ZNF662: variants seen among roughly 807,000 people sequenced by gnomAD.
ZNF662 encodes zinc finger protein 662.
ZNF662 carries 14 observed loss-of-function variants against 12.4 expected under a neutral mutation model. That is an observed-to-expected ratio of 1.13 (90% CI 0.75 to 1.77). The LOEUF (loss-of-function observed/expected upper bound fraction) is 1.77, where lower values mean the gene tolerates loss of function less well. Ranked by LOEUF, ZNF662 falls within the 40% of genes most tolerant of loss-of-function variation. ZNF662 has a pLI of 0.00. For missense variants in ZNF662, 550 were observed against 515.6 expected, an observed-to-expected ratio of 1.07 and a Z score of -0.65; for synonymous variants, 184 against 176.4, an observed-to-expected ratio of 1.04 and a Z score of -0.34.
In ZNF662 at chr3:42,906,174, G is replaced by A; in HGVS notation, c.-94+6G>A. The A allele has an allele frequency of 1.7e-6, 1 of 577,218 alleles. No individual in the cohort carries two copies. The highest frequency in any genetic ancestry group is 2.3e-5 in the South Asian group (1 of 43,180). The allele number at this position is 577,218 out of a possible 1,614,324, so 35.8% of individuals were successfully genotyped here. On this transcript the variant is annotated splice_donor_region_variant and intron_variant, in intron 1 of 4. Coordinates refer to ENST00000440367, the MANE Select transcript of ZNF662 (RefSeq NM_207404.4). This position sits in a 1 kb window ranked among gnomAD's most constrained non-coding sequence, Gnocchi z 4.4. ...CGGATGCTGGGGCCTGGCGGGTGTG[G>A]AGCACGGGGAGTCGGGCGTGGGGCG...
intron 3 of ZNF662, among the ~76,000 whole-genome samples, chr3:42,912,303 TATG>T (rs2088806676): frequency 8.4e-6 from 1 of 118,712 alleles, no homozygotes; most frequent in Admixed American, 1.1e-4. Context: ...ATATAAAATA[TATG>T]ATATATATAG....
intron 3 of ZNF662, among the ~76,000 whole-genome samples, chr3:42,909,275 G>C (rs1181045940): frequency 1.3e-5 from 2 of 152,120 alleles, no homozygotes; most frequent in Non-Finnish European, 2.9e-5. Flanking sequence ...CTCTTAACGA[G>C]CATGCTTCCT....
At position 42,916,717 on chromosome 3, in the gene ZNF662, GA is replaced by G. The variant is rs1290537005; in HGVS notation, c.*1364del. ...TTTGTTTTATGAGATATCATTCTGG[GA>G]TTGGGAATATGTAAACTCAACTGGA... On this transcript the variant is annotated 3_prime_UTR_variant, in exon 5 of 5. Coordinates refer to ENST00000440367, the MANE Select transcript of ZNF662 (RefSeq NM_207404.4). 9 of 152,040 alleles carry G rather than the reference GA, an allele frequency of 5.9e-5. No homozygotes were observed. The highest frequency in any genetic ancestry group is 5.9e-4 in the Admixed American group (9 of 15,254). The allele number at this position is 152,040 out of a possible 1,614,324, so 9.4% of individuals were successfully genotyped here. A position where few individuals can be genotyped will look rare whatever the true frequency, so the allele number is the denominator to read the frequency against.
In ZNF662 at chr3:42,906,294, C is replaced by G; in HGVS notation, c.-94+126C>G. 1 of 1,495,868 alleles carries G rather than the reference C, an allele frequency of 6.7e-7. No homozygotes were observed. The highest frequency in any genetic ancestry group is 1.2e-5 in the South Asian group (1 of 81,364). 92.7% of individuals were successfully genotyped at this position (1,495,868 alleles called of 1,614,324 possible). A position where few individuals can be genotyped will look rare whatever the true frequency, so the allele number is the denominator to read the frequency against. On this transcript the variant is annotated intron_variant, in intron 1 of 4. Transcript: ENST00000440367. This position sits in a 1 kb window ranked among gnomAD's most constrained non-coding sequence, Gnocchi z 4.4. The stretch of plus-strand genomic sequence containing the variant: ...AGGTGCAGAGCGCTCTTCCGCGACC[C>G]CAACAGCCTCTGGTCCGGTCTGGCG...
intron 1 of ZNF662, chr3:42,907,728 G>C (rs1225951455): frequency 2.0e-6 from 2 of 985,346 alleles, no homozygotes; most frequent in Non-Finnish European, 2.4e-6. Context: ...GGGACCTAGA[G>C]CACAGATGTG....
chr3:42,908,194 G>T, intron 2 of ZNF662, 46 bp downstream of exon 2: 1 of 1,571,176 alleles, frequency 6.4e-7, no homozygotes, highest in Non-Finnish European at 8.6e-7. Flanking sequence ...TTGAGAGTTT[G>T]CTGGCTCCTT....
At chr3:42,910,971 C>T (rs1212387265) in intron 3 of ZNF662, among the ~76,000 whole-genome samples, 3 of 152,222 alleles carry the variant, frequency 2.0e-5, no homozygotes, top group Non-Finnish European at 4.4e-5. Context: ...ACATTCTCTG[C>T]TCTGTCTCCG....
In ZNF662 at chr3:42,915,407, G is replaced by A; in HGVS notation, c.*53G>A. ...TAATTCTTATGCTGCAGGAACCCTA[G>A]AGACAAAATGAGATGACCATTCACA... is the stretch of plus-strand genomic sequence containing the variant. On this transcript the variant is annotated 3_prime_UTR_variant, in exon 5 of 5. Transcript: ENST00000440367. 1 of 1,473,848 alleles carries A rather than the reference G, an allele frequency of 6.8e-7. No homozygotes were observed. The allele number at this position is 1,473,848 out of a possible 1,614,324, so 91.3% of individuals were successfully genotyped here. A position where few individuals can be genotyped will look rare whatever the true frequency, so the allele number is the denominator to read the frequency against.
At position 42,919,286 on chromosome 3, in the gene ZNF662, T is replaced by G. The variant is rs186402787; in HGVS notation, c.*3932T>G. On this transcript the variant is annotated 3_prime_UTR_variant, in exon 5 of 5. Coordinates refer to ENST00000440367, the MANE Select transcript of ZNF662 (RefSeq NM_207404.4). ...CTCCAGTTCTCATTTTTGTTAAAAATAAATCATGATAGGACTGAGTTGTTT... is the reference window on the plus strand; with the variant it reads ...CTCCAGTTCTCATTTTTGTTAAAAAGAAATCATGATAGGACTGAGTTGTTT... Among the ~76,000 whole-genome samples, 20 of 152,338 alleles carry G rather than the reference T, an allele frequency of 1.3e-4. No homozygotes were observed. In the East Asian group the frequency reaches 2.5e-3, roughly 19 times the overall value.
At position 42,915,464 on chromosome 3, in the gene ZNF662, T is replaced by A; in HGVS notation, c.*110T>A. 1.0e-6 allele frequency: 1 copy of A among 1,002,732 alleles called. No individual in the cohort carries two copies. Among genetic ancestry groups the A allele is most frequent in the Non-Finnish European group, 1.5e-6 (1 of 689,320 alleles). The allele number at this position is 1,002,732 out of a possible 1,614,324, so 62.1% of individuals were successfully genotyped here. On this transcript the variant is annotated 3_prime_UTR_variant, in exon 5 of 5. Coordinates refer to ENST00000440367, the MANE Select transcript of ZNF662 (RefSeq NM_207404.4). ...TGTAACCCTTAACTTAAATAGCCAG[T>A]ATTATCTTGCCCTTTTGAACATTTA...
In ZNF662 at chr3:42,915,330, G is replaced by T. The variant is rs1476880596; in HGVS notation, c.1257G>T (p.Gln419His). ...CTAGAGACAAACCCTATAACTGTCA[G>T]ATCTCTCACCTTCTTGAACATTAGA... ...RHARDKPYNC[Q>H]ISHLLEH is the part of the protein sequence containing the mutation. The change falls in exon 5 of 5, where the codon CAG (glutamine) becomes CAT (histidine). Residue 419 changes from glutamine to histidine, a missense_variant. Coordinates refer to ENST00000440367, the MANE Select transcript of ZNF662 (RefSeq NM_207404.4). 1 of 1,583,670 alleles carries T rather than the reference G, an allele frequency of 6.3e-7. No individual in the cohort carries two copies. The highest frequency in any genetic ancestry group is 8.6e-7 in the Non-Finnish European group (1 of 1,167,360).
At chr3:42,908,958 A>G (rs773133823) in intron 3 of ZNF662, 49 bp downstream of exon 3, 2 of 1,335,114 alleles carry the variant, frequency 1.5e-6, no homozygotes, top group Non-Finnish European at 2.1e-6. Flanking sequence ...TCTTGTCATG[A>G]TCTTTAAAAT....
rs1463056386 is a variant in ZNF662 at position 42,915,397 on chromosome 3, A to G, written c.*43A>G. ...TACTTGTTTATAATTCTTATGCTGC[A>G]GGAACCCTAGAGACAAAATGAGATG... On this transcript the variant is annotated 3_prime_UTR_variant, in exon 5 of 5. Transcript: ENST00000440367. 4 of 1,506,582 alleles carry G rather than the reference A, an allele frequency of 2.7e-6. No individual in the cohort carries two copies. The highest frequency in any genetic ancestry group is 1.4e-5 in the South Asian group (1 of 74,024). 93.3% of individuals were successfully genotyped at this position (1,506,582 alleles called of 1,614,324 possible).
At chr3:42,912,718 A>ATATTTTTTATATATATAAATATATATATG (rs2088840737) in intron 3 of ZNF662, among the ~76,000 whole-genome samples, 4 of 95,424 alleles carry the variant, frequency 4.2e-5, no homozygotes, top group Admixed American at 3.2e-4. Context: ...ATATATATAT[A>ATATTTTTTATATATATAAATATATATATG]TATTTTTTAT....
rs972961258 is a variant in ZNF662, at chr3:42,906,241, G to A, written c.-94+73G>A. The A allele has an allele frequency of 1.4e-5, 14 of 983,380 alleles. No individual in the cohort carries two copies. The highest frequency in any genetic ancestry group is 3.3e-5 in the South Asian group (2 of 59,744). 60.9% of individuals were successfully genotyped at this position (983,380 alleles called of 1,614,324 possible). ...GGGGTCTTACTCCGGTGGCTGCAGG[G>A]CGCAGGGTAGCCGTGTCAGGCCTGC... On this transcript the variant is annotated intron_variant, in intron 1 of 4. Transcript: ENST00000440367. This position sits in a 1 kb window ranked among gnomAD's most constrained non-coding sequence, Gnocchi z 4.4.
In ZNF662 at chr3:42,916,118, A is replaced by T. The variant is rs985949400; in HGVS notation, c.*764A>T. ...TCAGTGAAAAGTAAATTTCCTTGTCATTCCTATCTCTTGAGTTCTCCCCAG... is the reference window on the plus strand; with the variant it reads ...TCAGTGAAAAGTAAATTTCCTTGTCTTTCCTATCTCTTGAGTTCTCCCCAG... On this transcript the variant is annotated 3_prime_UTR_variant, in exon 5 of 5. Coordinates refer to ENST00000440367, the MANE Select transcript of ZNF662 (RefSeq NM_207404.4). 2.0e-5 allele frequency: 3 copies of T among 152,114 alleles called. No individual in the cohort carries two copies. The highest frequency in any genetic ancestry group is 7.2e-5 in the African/African-American group (3 of 41,436). The allele number at this position is 152,114 out of a possible 1,614,324, so 9.4% of individuals were successfully genotyped here. A position where few individuals can be genotyped will look rare whatever the true frequency, so the allele number is the denominator to read the frequency against.
At chr3:42,907,438 A>G (rs1211438645) in intron 1 of ZNF662, among the ~76,000 whole-genome samples, 1 of 152,164 alleles carries the variant, frequency 6.6e-6, no homozygotes, top group African/African-American at 2.4e-5. Flanking sequence ...GAAGAGTCCT[A>G]TACAGGGGCA....
chr3:42,917,965 G>T lies in ZNF662; in HGVS notation c.*2611G>T, dbSNP rs1460601511. On this transcript the variant is annotated 3_prime_UTR_variant, in exon 5 of 5. Transcript: ENST00000440367. The stretch of plus-strand genomic sequence containing the variant: ...CTACTAAAAATACAAAATTAGCCAG[G>T]TGTGGTGGCACATGCCAGTAATCTC... Among the ~76,000 whole-genome samples the T allele has an allele frequency of 6.6e-6, 1 of 152,216 alleles. No homozygotes were observed. The highest frequency in any genetic ancestry group is 1.5e-5 in the Non-Finnish European group (1 of 68,034).
In ZNF662 at chr3:42,908,853, G is replaced by A. The variant is rs1219547514; in HGVS notation, c.95G>A (p.Trp32Ter). 1 of 1,614,122 alleles carries A rather than the reference G, an allele frequency of 6.2e-7. No individual in the cohort carries two copies. Among genetic ancestry groups the A allele is most frequent in the East Asian group, 2.2e-5 (1 of 44,870 alleles). The stretch of plus-strand genomic sequence containing the variant: ...CAGCTGGAGCGAGGGGAAACACCCT[G>A]GTGCTCGGTTCCTCGGGGAGCTCTG... ...ISQLERGETP[W>*]CSVPRGALDG... Residue 32 changes from tryptophan to a stop codon, truncating the protein, a stop_gained, in exon 3 of 5, where the codon TGG becomes TAG. Transcript: ENST00000440367. LOFTEE classifies it high-confidence loss of function.
Sources: gnomAD v4.1 joint callset for allele counts (sites outside exome capture counted in the v4.1 genomes callset) on GRCh38, gnomAD v4.1.1 for gene constraint, Gnocchi (gnomAD v3.1) non-coding constraint, MANE v1.5 for transcripts, NCBI Gene and HGNC (gene_info 2026-07-23, HGNC 2026-07-21) for gene names.